Variants in DOCK7 observed in about 807,000 individuals in gnomAD.
DOCK7 encodes dedicator of cytokinesis 7, also known as dedicator of cytokinesis protein 7.
A neutral mutation model predicts 271.0 loss-of-function variants in DOCK7; 138 were observed. The observed-to-expected ratio is 0.51, with a 90% CI of 0.44 to 0.59. The LOEUF (loss-of-function observed/expected upper bound fraction) is 0.59, where lower values mean the gene tolerates loss of function less well. DOCK7 is among the 20% of genes least tolerant of loss of function. DOCK7 has a pLI of 0.00. For synonymous variants in DOCK7, 823 were observed against 876.1 expected (o/e 0.94, Z 1.07); for missense variants, 2,066 against 2,592.4 (o/e 0.80, Z 4.41).
At chr1:62,650,222 T>G (rs952439403) in intron 4 of DOCK7, among the ~76,000 whole-genome samples, 3 of 152,220 alleles carry the variant, frequency 2.0e-5, no homozygotes, top group Non-Finnish European at 4.4e-5. Flanking sequence ...GTTGGTTTAT[T>G]GTCTATTGAC....
At chr1:62,627,157 A>G (rs1654056250) in intron 11 of DOCK7, among the ~76,000 whole-genome samples, 1 of 152,210 alleles carries the variant, frequency 6.6e-6, no homozygotes, top group Non-Finnish European at 1.5e-5. Context: ...ATAGAGGCAG[A>G]AAAAGTATTT....
At chr1:62,473,322 T>C (rs1358309827) in intron 48 of DOCK7, among the ~76,000 whole-genome samples, 1 of 152,148 alleles carries the variant, frequency 6.6e-6, no homozygotes, top group Non-Finnish European at 1.5e-5. Flanking sequence ...TTACTGCTTG[T>C]AAGTATTCTG....
intron 4 of DOCK7, among the ~76,000 whole-genome samples, 157 bp from the exon 5 acceptor site, chr1:62,648,701 T>C (rs1656972811): frequency 6.6e-6 from 1 of 152,086 alleles, no homozygotes; most frequent in Admixed American, 6.6e-5. Context: ...AAATTTATAT[T>C]CAATGTTCCT....
chr1:62,502,512 T>A (rs1050126162), intron 37 of DOCK7, among the ~76,000 whole-genome samples: 1 of 152,178 alleles, frequency 6.6e-6, no homozygotes, highest in Non-Finnish European at 1.5e-5. Context: ...TGTTGGGTAG[T>A]GTTGAGCTTT....
intron 43 of DOCK7, chr1:62,478,897 C>T (rs192120393): frequency 2.6e-5 from 4 of 152,252 alleles, no homozygotes; most frequent in African/African-American, 7.2e-5. Context: ...TTAAGATCAC[C>T]TTAACTCTCA....
At chr1:62,567,121 T>C (rs757731983) in intron 18 of DOCK7, among the ~76,000 whole-genome samples, 6 of 152,328 alleles carry the variant, frequency 3.9e-5, no homozygotes, top group South Asian at 4.1e-4. Context: ...AGTTCAACCA[T>C]TGTGGAAGGC....
At chr1:62,634,379 T>G (rs1470583290) in intron 9 of DOCK7, 1 of 152,024 alleles carries the variant, frequency 6.6e-6, no homozygotes, top group African/African-American at 2.4e-5. Flanking sequence ...TCAATGTTTT[T>G]TTTTTTTTTT....
rs779423914 is a variant in DOCK7 at position 62,535,473 on chromosome 1, G to A, written c.3611+20C>T. ...CAAAATCAAACTCATATTCTACAAGGTAAAAACTAGTGTACTCACCCTTCA... is the reference window on the plus strand; with the variant it reads ...CAAAATCAAACTCATATTCTACAAGATAAAAACTAGTGTACTCACCCTTCA... On this transcript the variant is annotated intron_variant, in intron 29 of 49. Transcript: ENST00000635253. The A allele has an allele frequency of 5.0e-6, 8 of 1,608,012 alleles. No homozygotes were observed. Among genetic ancestry groups the A allele is most frequent in the Non-Finnish European group, 6.8e-6 (8 of 1,177,116 alleles).
chr1:62,674,578 G>C (rs1225267720), intron 1 of DOCK7, among the ~76,000 whole-genome samples: 1 of 152,142 alleles, frequency 6.6e-6, no homozygotes, highest in Non-Finnish European at 1.5e-5. Flanking sequence ...ATGGTAACCA[G>C]AACAGCACTG....
In DOCK7 at chr1:62,476,933, A is replaced by C. The variant is rs538881006; in HGVS notation, c.5634+767T>G. ...CAGAGAAGTCACCAATAGGAATATA[A>C]CATTCAAGAAATTAACATCAGTGAG... On this transcript the variant is annotated intron_variant, in intron 44 of 49. Coordinates refer to ENST00000635253, the MANE Select transcript of DOCK7 (RefSeq NM_001367561.1). The C allele has an allele frequency of 2.0e-5, 3 of 152,358 alleles. No individual in the cohort carries two copies. In the East Asian group the frequency reaches 5.8e-4, roughly 29 times the overall value. 9.4% of individuals were successfully genotyped at this position (152,358 alleles called of 1,614,324 possible).
chr1:62,629,724 T>C (rs1654390223), intron 11 of DOCK7: 1 of 152,322 alleles, frequency 6.6e-6, no homozygotes. Context: ...TTTAACATCA[T>C]GGATCAGTTC....
chr1:62,640,130 C>T (rs1219685365), intron 7 of DOCK7, among the ~76,000 whole-genome samples: 2 of 151,892 alleles, frequency 1.3e-5, no homozygotes, highest in Admixed American at 6.6e-5. Context: ...ATACTTACAA[C>T]GATGAAAGAA....
intron 35 of DOCK7, among the ~76,000 whole-genome samples, 190 bp downstream of exon 35, chr1:62,507,772 T>C (rs1646985358): frequency 6.6e-6 from 1 of 152,316 alleles, no homozygotes; most frequent in South Asian, 2.1e-4. Flanking sequence ...TTCATAATCA[T>C]CCTCCATGAA....
chr1:62,604,987 A>G (rs1203459764), intron 14 of DOCK7: 4 of 647,690 alleles, frequency 6.2e-6, no homozygotes, highest in Non-Finnish European at 1.0e-5. Context: ...ACCTTAAAGA[A>G]TACCGTTTAC....
At chr1:62,477,648 C>A in intron 44 of DOCK7, 52 bp downstream of exon 44, 1 of 1,505,682 alleles carries the variant, frequency 6.6e-7, no homozygotes, top group Non-Finnish European at 8.9e-7. Context: ...GTCTAATCAT[C>A]AGAGAGAATA....
intron 14 of DOCK7, among the ~76,000 whole-genome samples, chr1:62,599,966 C>A (rs1649869095): frequency 6.6e-6 from 1 of 151,858 alleles, no homozygotes; most frequent in African/African-American, 2.4e-5. Flanking sequence ...CTCAGAGAAA[C>A]TGGTAAACAA....
intron 38 of DOCK7, 152 bp from the exon 39 acceptor site, chr1:62,495,833 G>T: frequency 1.8e-6 from 1 of 555,664 alleles, no homozygotes; most frequent in Non-Finnish European, 3.0e-6. Flanking sequence ...GGTATGTGGG[G>T]ATATGGTAAG....
chr1:62,578,968 T>C lies in DOCK7; in HGVS notation c.1872-2A>G. 1 of 1,532,554 alleles carries C rather than the reference T, an allele frequency of 6.5e-7. No homozygotes were observed. The highest frequency in any genetic ancestry group is 8.7e-7 in the Non-Finnish European group (1 of 1,147,950). The allele number at this position is 1,532,554 out of a possible 1,614,324, so 94.9% of individuals were successfully genotyped here. ...ATTTCTTCATGAAAATCAGGAGACC[T>C]TCATACAAAAAAAAAAAAAAATCAA... is the stretch of plus-strand genomic sequence containing the variant. On this transcript the variant is annotated splice_acceptor_variant, in intron 16 of 49. Coordinates refer to ENST00000635253, the MANE Select transcript of DOCK7 (RefSeq NM_001367561.1). LOFTEE classifies it high-confidence loss of function.
intron 1 of DOCK7, among the ~76,000 whole-genome samples, chr1:62,679,780 A>ATTC (rs1249566981): frequency 6.6e-6 from 1 of 152,234 alleles, no homozygotes; most frequent in Non-Finnish European, 1.5e-5. Context: ...GTGAACTCCC[A>ATTC]TTCACAATTG....
Sources: gnomAD v4.1 joint callset for allele counts (sites outside exome capture counted in the v4.1 genomes callset) on GRCh38, gnomAD v4.1.1 for gene constraint, MANE v1.5 for transcripts, NCBI Gene and HGNC (gene_info 2026-07-23, HGNC 2026-07-21) for gene names.